The following TANC2 variants were observed in gnomAD, a reference collection of about 807,000 sequenced individuals.
The protein encoded by TANC2 is protein TANC2.
TANC2 carries 26 observed loss-of-function variants against 210.5 expected under a neutral mutation model. The observed-to-expected ratio is 0.12, with a 90% confidence interval of 0.09 to 0.17. The LOEUF is 0.17. TANC2 is among the 10% of genes least tolerant of loss of function. The pLI is 1.00. For synonymous variants in TANC2, 931 were observed against 967.1 expected (o/e 0.96, Z 0.69); for missense variants, 2,129 against 2,608.9 (o/e 0.82, Z 4.01).
intron 8 of TANC2, among the ~76,000 whole-genome samples, chr17:63,247,116 A>C (rs1308665643): frequency 6.6e-6 from 1 of 151,982 alleles, no homozygotes. Flanking sequence ...ACTTTAGCAC[A>C]TTTTCATATT....
At chr17:63,073,396 G>C (rs893695028) in intron 2 of TANC2, among the ~76,000 whole-genome samples, 1 of 151,842 alleles carries the variant, frequency 6.6e-6, no homozygotes, top group Non-Finnish European at 1.5e-5. Flanking sequence ...ACAATGAAAT[G>C]GATTTGTTTC....
intron 1 of TANC2, among the ~76,000 whole-genome samples, chr17:62,986,962 A>C (rs1045648410): frequency 6.6e-6 from 1 of 152,078 alleles, no homozygotes; most frequent in Non-Finnish European, 1.5e-5. Flanking sequence ...GTGCATGTCC[A>C]TTGGGTTAGC....
At chr17:63,035,937 A>G (rs921882370) in intron 2 of TANC2, among the ~76,000 whole-genome samples, 4 of 152,066 alleles carry the variant, frequency 2.6e-5, no homozygotes, top group Non-Finnish European at 2.9e-5. Context: ...TTTAATTTGC[A>G]TTTCTCTGAT....
intron 5 of TANC2, among the ~76,000 whole-genome samples, chr17:63,174,398 G>C (rs187768027): frequency 1.3e-5 from 2 of 152,288 alleles, no homozygotes; most frequent in South Asian, 2.1e-4. Context: ...AAGTTTCAAA[G>C]TGTTGCCCCC....
chr17:63,340,048 C>T, intron 11 of TANC2, 53 bp from the exon 12 acceptor site: 1 of 1,283,882 alleles, frequency 7.8e-7, no homozygotes, highest in East Asian at 2.3e-5. Context: ...ATAATCATAG[C>T]TATTGCTCTT....
intron 5 of TANC2, among the ~76,000 whole-genome samples, chr17:63,188,754 C>T (rs2041084492): frequency 6.6e-6 from 1 of 152,062 alleles, no homozygotes; most frequent in African/African-American, 2.4e-5. Context: ...ATGGGGTTTT[C>T]ATATTTATTA....
intron 5 of TANC2, among the ~76,000 whole-genome samples, chr17:63,180,253 A>T (rs1387037922): frequency 1.3e-5 from 2 of 152,188 alleles, no homozygotes; most frequent in Non-Finnish European, 1.5e-5. Flanking sequence ...TTGTTGGAAG[A>T]TGTTGGAATA....
At chr17:63,322,738 G>C (rs2045535734) in intron 11 of TANC2, among the ~76,000 whole-genome samples, 1 of 152,184 alleles carries the variant, frequency 6.6e-6, no homozygotes, top group Non-Finnish European at 1.5e-5. Context: ...AAGATGATAA[G>C]TGCTAAGATC....
chr17:62,983,046 T>C (rs956461526), intron 1 of TANC2, among the ~76,000 whole-genome samples: 6 of 152,170 alleles, frequency 3.9e-5, no homozygotes, highest in African/African-American at 9.6e-5. Context: ...TTATAGATTG[T>C]TTGGGGTAAT....
chr17:63,128,056 T>A (rs762154510), intron 4 of TANC2, among the ~76,000 whole-genome samples: 1 of 152,176 alleles, frequency 6.6e-6, no homozygotes, highest in Admixed American at 6.5e-5. Context: ...TATGATAATA[T>A]AATTAAATTA....
chr17:63,178,603 G>A (rs1035408677), intron 5 of TANC2, among the ~76,000 whole-genome samples: 2 of 152,148 alleles, frequency 1.3e-5, no homozygotes, highest in Non-Finnish European at 2.9e-5. Flanking sequence ...GGTTTGCTTT[G>A]GCAGTTGGGC....
chr17:63,370,645 T>G (rs986070839), intron 14 of TANC2, among the ~76,000 whole-genome samples: 1 of 152,226 alleles, frequency 6.6e-6, no homozygotes, highest in Non-Finnish European at 1.5e-5. Context: ...TTCACTCACA[T>G]GAAGTCCAAA....
intron 7 of TANC2, among the ~76,000 whole-genome samples, chr17:63,233,731 C>G (rs1177914298): frequency 6.6e-6 from 1 of 152,238 alleles, no homozygotes. Flanking sequence ...TACCAGCACA[C>G]CACTGGCCCC....
Position 63,276,957 on chromosome 17 carries a change from G to A in TANC2, c.1159+9084G>A, listed in dbSNP as rs193000594. Among the ~76,000 whole-genome samples, 15 of 152,296 alleles carry A rather than the reference G, an allele frequency of 9.8e-5. No individual in the cohort carries two copies. The East Asian group carries it at 2.9e-3, about 29-fold the overall frequency. ...AATAGCAGTACATTGGCTTATGGTA[G>A]ATACTCTGTACTCTGCGGTATTGGA... On this transcript the variant is annotated intron_variant, in intron 9 of 27. Coordinates refer to ENST00000689528, the Ensembl canonical transcript of TANC2.
chr17:63,419,448 G>A (rs1456588589), intron 27 of TANC2, among the ~76,000 whole-genome samples: 1 of 152,212 alleles, frequency 6.6e-6, no homozygotes, highest in East Asian at 1.9e-4. Flanking sequence ...CAAGCCTAAT[G>A]CCTGCCCCAC....
intron 7 of TANC2, among the ~76,000 whole-genome samples, chr17:63,229,764 G>GTTT (rs2042422071): frequency 7.0e-6 from 1 of 142,516 alleles, no homozygotes; most frequent in Admixed American, 7.0e-5. Context: ...TCTAATGATT[G>GTTT]TTTGTATTTT....
chr17:63,319,049 C>G, exon 11 of TANC2: 1 of 1,613,454 alleles, frequency 6.2e-7, no homozygotes, highest in Non-Finnish European at 8.5e-7. Flanking sequence ...TCCGGAAATG[C>G]GCAGGCGGCA....
Position 63,019,248 on chromosome 17 carries a change from C to T in TANC2, c.67+9622C>T, listed in dbSNP as rs542535280. Among the ~76,000 whole-genome samples the T allele has an allele frequency of 1.2e-4, 18 of 152,190 alleles. No homozygotes were observed. The South Asian group carries it at 1.5e-3, about 12-fold the overall frequency. On this transcript the variant is annotated intron_variant, in intron 2 of 27. Transcript: ENST00000689528. ...TTTATTTATTATGGGGACAGAGTCTCGCTCTGTCACTCAGGCTGGCATGCA... is the reference window on the plus strand; with the variant it reads ...TTTATTTATTATGGGGACAGAGTCTTGCTCTGTCACTCAGGCTGGCATGCA...
exon 28 of TANC2, chr17:63,423,887 G>T (rs2049082515): frequency 6.6e-6 from 1 of 152,272 alleles, no homozygotes; most frequent in Non-Finnish European, 1.5e-5. Flanking sequence ...GCTAGACCAG[G>T]GTAGGCATCA....
Sources: allele counts gnomAD v4.1 joint callset (sites outside exome capture counted in the v4.1 genomes callset), GRCh38; gene constraint gnomAD v4.1.1; transcripts MANE v1.5; gene names NCBI Gene and HGNC (gene_info 2026-07-23, HGNC 2026-07-21).